ELMO1: variants seen among roughly 807,000 people sequenced by gnomAD.
The protein encoded by ELMO1 is engulfment and cell motility 1.
ELMO1 carries 26 observed loss-of-function variants against 98.9 expected under a neutral mutation model. The ratio of observed to expected loss-of-function variants is 0.26; its 90% CI spans 0.19 to 0.36. ELMO1 has a LOEUF of 0.36. Ranked by LOEUF, ELMO1 falls within the 10% of genes least tolerant of loss-of-function variation. The pLI, the probability that ELMO1 is intolerant of heterozygous loss-of-function variation, is 1.00. For missense variants in ELMO1, 627 were observed against 935.2 expected, an observed-to-expected ratio of 0.67 and a Z score of 4.30; for synonymous variants, 346 against 346.0, an observed-to-expected ratio of 1.00 and a Z score of 0.00.
At chr7:36,884,844 G>A (rs928414292) in intron 18 of ELMO1, among the ~76,000 whole-genome samples, 4 of 152,200 alleles carry the variant, frequency 2.6e-5, no homozygotes, top group Admixed American at 1.3e-4. Context: ...ACTCATCTGT[G>A]TCCTACTCAT....
intron 17 of ELMO1, among the ~76,000 whole-genome samples, chr7:36,892,874 C>T (rs114196028): frequency 0.014 from 2,186 of 151,834 alleles, 52 homozygotes; most frequent in African/African-American, 0.05. Flanking sequence ...GGTCCATGGC[C>T]GAGGGATTAT....
At chr7:37,293,705 G>T (rs1583478493) in intron 4 of ELMO1, among the ~76,000 whole-genome samples, 1 of 11,350 alleles carries the variant, frequency 8.8e-5, no homozygotes. Context: ...AAACACCCAA[G>T]AATGATCAAT....
intron 15 of ELMO1, among the ~76,000 whole-genome samples, chr7:37,023,597 C>T (rs34261176): frequency 0.29 from 44,038 of 151,940 alleles, 8,873 homozygotes; most frequent in African/African-American, 0.58. Flanking sequence ...GATGGATAAA[C>T]GAGTATATGC....
intron 1 of ELMO1, among the ~76,000 whole-genome samples, chr7:37,400,680 C>G (rs1803488285): frequency 6.6e-6 from 1 of 152,138 alleles, no homozygotes; most frequent in Admixed American, 6.5e-5. Context: ...TGATAAATTC[C>G]ATTTAGAGAT....
intron 13 of ELMO1, among the ~76,000 whole-genome samples, chr7:37,199,809 A>T (rs1389834298): frequency 6.6e-6 from 1 of 152,194 alleles, no homozygotes. Context: ...GGATCACAGA[A>T]GAAAGATCTG....
Position 37,067,558 on chromosome 7 carries a change from C to A in ELMO1, c.1300+29061G>T, listed in dbSNP as rs1036411049. Among the ~76,000 whole-genome samples the A allele has an allele frequency of 2.6e-5, 4 of 152,056 alleles. No homozygotes were observed. The South Asian group carries it at 8.3e-4, about 32-fold the overall frequency. On this transcript the variant is annotated intron_variant, in intron 15 of 21. Transcript: ENST00000310758. ...TCTGTTTCATCATCAGGAAAAGAAGCGGAGCCTTGTTTAAGGAAAAGATGT... is the reference window on the plus strand; with the variant it reads ...TCTGTTTCATCATCAGGAAAAGAAGAGGAGCCTTGTTTAAGGAAAAGATGT...
chr7:37,013,946 G>C (rs1435949755), intron 15 of ELMO1, among the ~76,000 whole-genome samples: 1 of 152,160 alleles, frequency 6.6e-6, no homozygotes, highest in Non-Finnish European at 1.5e-5. Flanking sequence ...AGTAAGCAGG[G>C]AACATTTGAG....
chr7:37,266,970 G>A lies in ELMO1; in HGVS notation c.243+4862C>T, dbSNP rs1462936286. 3.4e-5 allele frequency among the ~76,000 whole-genome samples: 5 copies of A among 148,792 alleles called. No homozygotes were observed. The East Asian group carries it at 5.9e-4, about 18-fold the overall frequency. ...GGAGATTTTAGTGAGCTGAAATTGT[G>A]CCACTATACTCCAGCCTGGGCGACA... is the stretch of plus-strand genomic sequence containing the variant. On this transcript the variant is annotated intron_variant, in intron 5 of 21. Coordinates refer to ENST00000310758, the MANE Select transcript of ELMO1 (RefSeq NM_014800.11).
Position 36,870,278 on chromosome 7 carries a change from G to T in ELMO1, c.1905+115C>A. On this transcript the variant is annotated intron_variant, in intron 20 of 21. Coordinates refer to ENST00000310758, the MANE Select transcript of ELMO1 (RefSeq NM_014800.11). The surrounding 1 kb of genome is among the most constrained non-coding windows in gnomAD (Gnocchi z 4.4). ...GAAACAGGAGAGCTGAATAAGAGAT[G>T]TGTGTCTGAACACACGCACACACAC... 1 of 790,024 alleles carries T rather than the reference G, an allele frequency of 1.3e-6. No homozygotes were observed. Among genetic ancestry groups the T allele is most frequent in the Non-Finnish European group, 2.1e-6 (1 of 478,964 alleles). 48.9% of individuals were successfully genotyped at this position (790,024 alleles called of 1,614,324 possible).
At chr7:37,294,293 G>T (rs1797913285) in intron 4 of ELMO1, among the ~76,000 whole-genome samples, 1 of 151,668 alleles carries the variant, frequency 6.6e-6, no homozygotes, top group Non-Finnish European at 1.5e-5. Context: ...GGAGGCGGAG[G>T]TTGCAGTGAG....
chr7:37,033,701 C>T (rs914402600), intron 15 of ELMO1, among the ~76,000 whole-genome samples: 2 of 152,102 alleles, frequency 1.3e-5, no homozygotes, highest in African/African-American at 4.8e-5. Context: ...AATTGCAAGG[C>T]AAATCTGTCC....
chr7:37,287,166 C>G (rs1001818053), intron 4 of ELMO1, among the ~76,000 whole-genome samples: 2 of 149,448 alleles, frequency 1.3e-5, no homozygotes, highest in African/African-American at 5.0e-5. Flanking sequence ...GCACTCCAGT[C>G]TGGGCAACAG....
intron 2 of ELMO1, among the ~76,000 whole-genome samples, chr7:37,327,193 G>A (rs1799865244): frequency 6.6e-6 from 1 of 152,190 alleles, no homozygotes; most frequent in South Asian, 2.1e-4. Flanking sequence ...GTAATCAAGT[G>A]TTTCCTTTCA....
chr7:37,102,256 C>G (rs901050771), intron 14 of ELMO1, among the ~76,000 whole-genome samples: 2 of 152,200 alleles, frequency 1.3e-5, no homozygotes, highest in Admixed American at 1.3e-4. Context: ...TGATTGGTCC[C>G]AAGAAAACTG....
At chr7:37,185,999 T>C (rs1791181112) in intron 13 of ELMO1, among the ~76,000 whole-genome samples, 1 of 152,148 alleles carries the variant, frequency 6.6e-6, no homozygotes, top group African/African-American at 2.4e-5. Flanking sequence ...CAAGACACCC[T>C]CCATAGCCAA....
intron 13 of ELMO1, among the ~76,000 whole-genome samples, chr7:37,190,777 G>A (rs1479486223): frequency 1.3e-5 from 2 of 152,070 alleles, no homozygotes; most frequent in African/African-American, 2.4e-5. Context: ...TGGGTTTACA[G>A]GCGTGAGCCA....
chr7:37,095,090 T>C (rs890940593), intron 15 of ELMO1, among the ~76,000 whole-genome samples: 1 of 151,982 alleles, frequency 6.6e-6, no homozygotes. Context: ...CAGCCAAAGG[T>C]TGTCATCAGA....
intron 1 of ELMO1, among the ~76,000 whole-genome samples, chr7:37,391,679 G>T (rs540899106): frequency 6.6e-6 from 1 of 152,156 alleles, no homozygotes; most frequent in Non-Finnish European, 1.5e-5. Context: ...CCAGTTGGGG[G>T]CCGACTTGCA....
At chr7:36,934,490 G>C (rs1786335793) in intron 16 of ELMO1, among the ~76,000 whole-genome samples, 1 of 76,228 alleles carries the variant, frequency 1.3e-5, no homozygotes, top group African/African-American at 3.6e-5. Context: ...GAACCCTCAG[G>C]CATGGCTAGG....
Sources: gnomAD v4.1 joint callset for allele counts (sites outside exome capture counted in the v4.1 genomes callset) on GRCh38, gnomAD v4.1.1 for gene constraint, Gnocchi (gnomAD v3.1) non-coding constraint, MANE v1.5 for transcripts, NCBI Gene and HGNC (gene_info 2026-07-23, HGNC 2026-07-21) for gene names.